MBOAT4: variants seen among roughly 807,000 people sequenced by gnomAD.
The protein encoded by MBOAT4 is membrane-bound ghrelin O-acyltransferase MBOAT4.
MBOAT4 carries 11 observed loss-of-function variants against 13.2 expected under a neutral mutation model. That is an observed-to-expected ratio of 0.84 (90% CI 0.53 to 1.38). The LOEUF is 1.38. MBOAT4 is among the 40% of genes most tolerant of loss of function. MBOAT4 has a pLI of 0.00. For missense variants in MBOAT4, 481 were observed against 527.2 expected (o/e 0.91, Z 0.86); for synonymous variants, 202 against 210.3 (o/e 0.96, Z 0.34).
chr8:30,138,458 G>T, intron 2 of MBOAT4, 74 bp downstream of exon 2: 1 of 1,231,028 alleles, frequency 8.1e-7, no homozygotes, highest in Non-Finnish European at 1.1e-6. Context: ...CCAACACCCA[G>T]GTTCTCTCTG....
chr8:30,144,102 G>A (rs2117554135), intron 1 of MBOAT4, among the ~76,000 whole-genome samples: 1 of 151,672 alleles, frequency 6.6e-6, no homozygotes, highest in South Asian at 2.1e-4. Context: ...CACATCTGCA[G>A]TCTACTCTGC....
chr8:30,133,613 C>G (rs911330569), intron 2 of MBOAT4, among the ~76,000 whole-genome samples: 1 of 151,982 alleles, frequency 6.6e-6, no homozygotes, highest in African/African-American at 2.4e-5. Flanking sequence ...GAACCACACA[C>G]TACTCCAATT....
rs145023991 is a variant in MBOAT4 at position 30,138,690 on chromosome 8, G to A, written c.186C>T (p.Leu62=). ...CAGCGCAGACAGCAGGGGTGAAGAC[G>A]AGCACGGCGTAGGAACCCATGGCAG... The part of the protein sequence containing the change: ...AVAAMGSYAV[L]VFTPAVCAVA... Residue 62 remains leucine (L), a synonymous_variant, in exon 2 of 3, where the codon CTC becomes CTT. Coordinates refer to ENST00000320542, the MANE Select transcript of MBOAT4 (RefSeq NM_001100916.2). 3.5e-5 allele frequency: 55 copies of A among 1,550,818 alleles called. No homozygotes were observed. The highest frequency in any genetic ancestry group is 1.9e-4 in the Middle Eastern group (1 of 5,388).
chr8:30,140,984 C>T (rs999339964), intron 1 of MBOAT4, among the ~76,000 whole-genome samples: 11 of 152,000 alleles, frequency 7.2e-5, no homozygotes, highest in Non-Finnish European at 1.2e-4. Flanking sequence ...ACTATCGACA[C>T]GCACCACCAT....
chr8:30,135,014 G>A (rs1033106909), intron 2 of MBOAT4, among the ~76,000 whole-genome samples: 1 of 151,214 alleles, frequency 6.6e-6, no homozygotes, highest in African/African-American at 2.4e-5. Flanking sequence ...TGAGAAGCTG[G>A]AACTTCAGAC....
chr8:30,133,000 A>G (rs1007454178), intron 2 of MBOAT4, 94 bp from the exon 3 acceptor site: 7 of 1,280,988 alleles, frequency 5.5e-6, no homozygotes, highest in South Asian at 4.7e-5. Context: ...CAGGAAATAG[A>G]TAGGTCTGTA....
chr8:30,133,234 G>A (rs182500128), intron 2 of MBOAT4, among the ~76,000 whole-genome samples: 12 of 152,222 alleles, frequency 7.9e-5, no homozygotes, highest in Admixed American at 2.6e-4. Flanking sequence ...TAGATCTTAA[G>A]TATACAGTGG....
Position 30,132,278 on chromosome 8 carries a change from A to C in MBOAT4, c.973T>G (p.Trp325Gly), listed in dbSNP as rs1173212968. 13 of 1,551,788 alleles carry C rather than the reference A, an allele frequency of 8.4e-6. No individual in the cohort carries two copies. The highest frequency in any genetic ancestry group is 9.6e-6 in the Non-Finnish European group (11 of 1,147,006). ...AAGGCAAATGTCTGCAACAACGGCC[A>C]AGCCCTGCTGTGCTGGAATACAAGC... ...RRLVFQHSRAWPLLQTFAFSA... is the reference protein window; with the variant it reads ...RRLVFQHSRAGPLLQTFAFSA... Residue 325 changes from tryptophan to glycine, a missense_variant, in exon 3 of 3, where the codon TGG becomes GGG. Coordinates refer to ENST00000320542, the MANE Select transcript of MBOAT4 (RefSeq NM_001100916.2).
chr8:30,136,353 C>T (rs1360852268), intron 2 of MBOAT4, among the ~76,000 whole-genome samples: 2 of 152,222 alleles, frequency 1.3e-5, no homozygotes, highest in Non-Finnish European at 2.9e-5. Flanking sequence ...TACAGGGACA[C>T]TGCCACCCGC....
chr8:30,137,229 C>A (rs1585485906), intron 2 of MBOAT4: 1 of 1,433,242 alleles, frequency 7.0e-7, no homozygotes, highest in South Asian at 1.2e-5. Context: ...TTCATGACAA[C>A]ACTTCTCTAG....
In MBOAT4 at chr8:30,132,420, C is replaced by G; in HGVS notation, c.831G>C (p.Gln277His). Residue 277 changes from glutamine to histidine, a missense_variant, in exon 3 of 3, where the codon CAG becomes CAC. Transcript: ENST00000320542. ...GGACATATCCCTCCTCTCCAGGGCT[C>G]TGACCAAGCTCAGGCCCAAAGCCCG... ...HAAGFGPELG[Q>H]SPGEEGYVPD... 6.4e-7 allele frequency: 1 copy of G among 1,551,746 alleles called. No homozygotes were observed. Among genetic ancestry groups the G allele is most frequent in the Non-Finnish European group, 8.7e-7 (1 of 1,147,002 alleles).
At chr8:30,138,899 C>A in intron 1 of MBOAT4, 143 bp from the exon 2 acceptor site, 1 of 598,866 alleles carries the variant, frequency 1.7e-6, no homozygotes, top group Non-Finnish European at 2.9e-6. Flanking sequence ...CTGGGGCCTT[C>A]CTTTTGTTCT....
At chr8:30,135,272 AAC>A (rs1329121880) in intron 2 of MBOAT4, among the ~76,000 whole-genome samples, 5 of 152,168 alleles carry the variant, frequency 3.3e-5, no homozygotes, top group Admixed American at 6.5e-5. Context: ...GGGGAAATTA[AAC>A]ATTAGAGATG....
Position 30,144,502 on chromosome 8 carries a change from A to T in MBOAT4, c.100T>A (p.Ser34Thr). 1 of 1,550,418 alleles carries T rather than the reference A, an allele frequency of 6.4e-7. No individual in the cohort carries two copies. The highest frequency in any genetic ancestry group is 8.7e-7 in the Non-Finnish European group (1 of 1,145,864). The change falls in exon 1 of 3, where the codon TCA becomes ACA. Residue 34 changes from serine (S) to threonine (T), a missense_variant. Ser to Thr is a moderately conservative substitution (Grantham distance 58). Coordinates refer to ENST00000320542, the MANE Select transcript of MBOAT4 (RefSeq NM_001100916.2). ...LLFNYLCIMDSFSTRARYLFL... is the reference protein window; with the variant it reads ...LLFNYLCIMDTFSTRARYLFL... The stretch of plus-strand genomic sequence containing the variant: ...GCCTACCTGGCACGAGTGGAGAATG[A>T]ATCCATGATGCAGAGATAATTGAAG...
At chr8:30,137,705 G>A in intron 2 of MBOAT4, 2 of 577,844 alleles carry the variant, frequency 3.5e-6, no homozygotes, top group Non-Finnish European at 6.1e-6. Context: ...ACTCATTTTG[G>A]GAGGAACTTA....
chr8:30,136,254 G>A (rs1244819195), intron 2 of MBOAT4, among the ~76,000 whole-genome samples: 1 of 152,150 alleles, frequency 6.6e-6, no homozygotes, highest in African/African-American at 2.4e-5. Flanking sequence ...TAGGATGGGC[G>A]CTAATCCAAT....
intron 1 of MBOAT4, among the ~76,000 whole-genome samples, chr8:30,140,174 T>C (rs1188143757): frequency 1.3e-5 from 2 of 152,058 alleles, no homozygotes; most frequent in African/African-American, 4.8e-5. Context: ...GTAGCTGGGA[T>C]TACAGGCACC....
chr8:30,137,157 C>A, intron 2 of MBOAT4: 1 of 818,744 alleles, frequency 1.2e-6, no homozygotes, highest in South Asian at 1.7e-5. Flanking sequence ...CAGAGAGAGC[C>A]AGGAACATGA....
chr8:30,134,803 C>T (rs1364331660), intron 2 of MBOAT4, among the ~76,000 whole-genome samples: 1 of 152,128 alleles, frequency 6.6e-6, no homozygotes, highest in Non-Finnish European at 1.5e-5. Flanking sequence ...CCGCCTCGGC[C>T]TCCCAAAGTG....
Sources: allele counts gnomAD v4.1 joint callset (sites outside exome capture counted in the v4.1 genomes callset), GRCh38; gene constraint gnomAD v4.1.1; transcripts MANE v1.5; gene names NCBI Gene and HGNC (gene_info 2026-07-23, HGNC 2026-07-21).